Variants in SNX9 observed in about 807,000 individuals in gnomAD.
The protein encoded by SNX9 is sorting nexin 9, also known as sorting nexin-9.
SNX9 carries 44 observed loss-of-function variants against 89.4 expected under a neutral mutation model. That is an observed-to-expected ratio of 0.49 (90% CI 0.39 to 0.63). SNX9 has a LOEUF of 0.63. SNX9 is among the 30% of genes least tolerant of loss of function. The pLI, the probability that SNX9 is intolerant of heterozygous loss-of-function variation, is 0.00. For missense variants in SNX9, 578 were observed against 736.1 expected, an observed-to-expected ratio of 0.79 and a Z score of 2.49; for synonymous variants, 236 against 247.8, an observed-to-expected ratio of 0.95 and a Z score of 0.45.
chr6:157,870,278 TCTCACATATGCA>T (rs1782370281), intron 2 of SNX9, among the ~76,000 whole-genome samples: 1 of 130,896 alleles, frequency 7.6e-6, no homozygotes, highest in Non-Finnish European at 1.6e-5. Flanking sequence ...ACGCTCATGC[TCTCACATATGCA>T]CTCACGTGTG....
chr6:157,857,651 GT>G (rs11293286), intron 1 of SNX9, among the ~76,000 whole-genome samples: 18,204 of 123,882 alleles, frequency 0.15, 1,783 homozygotes, highest in African/African-American at 0.31. Flanking sequence ...GTTTTTCCTT[GT>G]TTTTTTTTTT....
rs554849216 is a variant in SNX9, at chr6:157,823,432, G to T, written c.-3G>T. On this transcript the variant is annotated 5_prime_UTR_variant, in exon 1 of 18. Coordinates refer to ENST00000392185, the MANE Select transcript of SNX9 (RefSeq NM_016224.5). This position sits in a 1 kb window ranked among gnomAD's most constrained non-coding sequence, Gnocchi z 4.6. ...CCGTCCCGGGCCGGGGGACCCGCCC[G>T]CCATGGCCACCAAGGTGAGGGGCGC... 2.4e-6 allele frequency: 3 copies of T among 1,245,710 alleles called. No individual in the cohort carries two copies. The highest frequency in any genetic ancestry group is 1.0e-6 in the Non-Finnish European group (1 of 995,418). The allele number at this position is 1,245,710 out of a possible 1,614,324, so 77.2% of individuals were successfully genotyped here.
chr6:157,873,694 G>A (rs1583211218), intron 3 of SNX9, among the ~76,000 whole-genome samples: 1 of 151,150 alleles, frequency 6.6e-6, no homozygotes, highest in East Asian at 1.9e-4. Flanking sequence ...TGATATTGCT[G>A]CCATCTATAA....
chr6:157,915,822 C>CAAAAAAA (rs570701086), intron 9 of SNX9, among the ~76,000 whole-genome samples: 9 of 89,376 alleles, frequency 1.0e-4, no homozygotes, highest in African/African-American at 3.2e-4. Flanking sequence ...TAGACTCTGT[C>CAAAAAAA]AAAAAAAAAA....
chr6:157,902,037 C>A lies in SNX9; in HGVS notation c.612C>A (p.Pro204=). The change falls in exon 6 of 18, where the codon CCC becomes CCA. Residue 204 remains proline, a synonymous_variant. Transcript: ENST00000392185. ...SRASSSSMKI[P]LNKFPGFAKP... is the part of the protein sequence containing the mutation. ...CTAGTTCCTCATCCATGAAAATTCC[C>A]CTTAACAAGTAAGTTTAAAGGGGAG... is the stretch of plus-strand genomic sequence containing the variant. 1 of 1,613,034 alleles carries A rather than the reference C, an allele frequency of 6.2e-7. No individual in the cohort carries two copies. The highest frequency in any genetic ancestry group is 8.5e-7 in the Non-Finnish European group (1 of 1,179,656).
chr6:157,859,031 G>GT (rs941687739), intron 1 of SNX9, among the ~76,000 whole-genome samples: 2 of 152,116 alleles, frequency 1.3e-5, no homozygotes, highest in African/African-American at 2.4e-5. Context: ...AAATTCTAAA[G>GT]TTTTTTTCCA....
At chr6:157,875,676 T>C (rs1380197104) in intron 4 of SNX9, among the ~76,000 whole-genome samples, 2 of 152,224 alleles carry the variant, frequency 1.3e-5, no homozygotes, top group Non-Finnish European at 2.9e-5. Context: ...ACTCTTATTG[T>C]ATTGCTTCCA....
chr6:157,860,266 G>A (rs1562596532), intron 1 of SNX9, among the ~76,000 whole-genome samples: 1 of 152,182 alleles, frequency 6.6e-6, no homozygotes, highest in Non-Finnish European at 1.5e-5. Context: ...TATTAGCCAG[G>A]AGTGGTGGCA....
intron 1 of SNX9, among the ~76,000 whole-genome samples, chr6:157,844,599 T>G (rs1169904355): frequency 1.1e-4 from 15 of 137,884 alleles, no homozygotes; most frequent in Admixed American, 2.8e-4. Flanking sequence ...TTTTTTTTTT[T>G]GTTTTTTTTT....
In SNX9 at chr6:157,942,913, C is replaced by A; in HGVS notation, c.*75C>A. The A allele has an allele frequency of 6.9e-7, 1 of 1,446,300 alleles. No homozygotes were observed. The highest frequency in any genetic ancestry group is 2.4e-5 in the Admixed American group (1 of 41,784). The allele number at this position is 1,446,300 out of a possible 1,614,324, so 89.6% of individuals were successfully genotyped here. ...GCAATGCAATTCAAAACTTTTTTTC[C>A]CCTATTATTCAGAAAAAAAAGGAAA... On this transcript the variant is annotated 3_prime_UTR_variant, in exon 18 of 18. Transcript: ENST00000392185.
At chr6:157,866,119 C>T (rs144160824) in intron 1 of SNX9, among the ~76,000 whole-genome samples, 2 of 152,148 alleles carry the variant, frequency 1.3e-5, no homozygotes, top group Non-Finnish European at 2.9e-5. Context: ...AAACACATAC[C>T]TTGTTTTTAC....
intron 17 of SNX9, among the ~76,000 whole-genome samples, chr6:157,941,930 C>T (rs1460549579): frequency 2.0e-5 from 3 of 152,168 alleles, no homozygotes; most frequent in African/African-American, 7.2e-5. Context: ...TCAGTTGGTG[C>T]CATTGTGGAT....
chr6:157,892,161 ACCT>A (rs1160966673), intron 4 of SNX9, among the ~76,000 whole-genome samples: 1 of 152,054 alleles, frequency 6.6e-6, no homozygotes, highest in Non-Finnish European at 1.5e-5. Context: ...CAGGATGGAA[ACCT>A]CAGCCCAGGA....
chr6:157,879,146 C>T (rs535591524), intron 4 of SNX9, among the ~76,000 whole-genome samples: 1 of 152,282 alleles, frequency 6.6e-6, no homozygotes, highest in East Asian at 1.9e-4. Context: ...CTCTAAGGCC[C>T]AGCGGTTCTG....
chr6:157,856,598 G>A (rs760487557), intron 1 of SNX9, among the ~76,000 whole-genome samples: 3 of 152,110 alleles, frequency 2.0e-5, no homozygotes, highest in East Asian at 1.9e-4. Flanking sequence ...TCCTAATAAA[G>A]TCTGCATATT....
intron 1 of SNX9, among the ~76,000 whole-genome samples, chr6:157,865,631 TAC>T (rs1193148004): frequency 6.6e-6 from 1 of 152,238 alleles, no homozygotes; most frequent in African/African-American, 2.4e-5. Flanking sequence ...TGGAATTGAA[TAC>T]CATAGATCCA....
intron 9 of SNX9, among the ~76,000 whole-genome samples, chr6:157,911,515 G>C (rs1783344649): frequency 6.6e-6 from 1 of 152,220 alleles, no homozygotes; most frequent in Non-Finnish European, 1.5e-5. Context: ...TGTCCCACGT[G>C]TTCCTGGACA....
chr6:157,893,427 T>C (rs1171747431), intron 4 of SNX9, among the ~76,000 whole-genome samples: 4 of 152,226 alleles, frequency 2.6e-5, no homozygotes, highest in Non-Finnish European at 5.9e-5. Context: ...ATCAAAAGCA[T>C]GTAGTCTGTT....
At chr6:157,874,885 A>G (rs1782485522) in intron 3 of SNX9, 166 bp from the exon 4 acceptor site, 1 of 597,802 alleles carries the variant, frequency 1.7e-6, no homozygotes, top group South Asian at 3.8e-5. Flanking sequence ...AATAAAAATG[A>G]AAATACAACC....
Sources: gnomAD v4.1 joint callset for allele counts (sites outside exome capture counted in the v4.1 genomes callset) on GRCh38, gnomAD v4.1.1 for gene constraint, Gnocchi (gnomAD v3.1) non-coding constraint, MANE v1.5 for transcripts, NCBI Gene and HGNC (gene_info 2026-07-23, HGNC 2026-07-21) for gene names.